BEND5: variants seen among roughly 807,000 people sequenced by gnomAD.
The protein encoded by BEND5 is BEN domain containing 5.
In BEND5, 22 loss-of-function variants were observed where a neutral mutation model predicts 43.9. The observed-to-expected ratio is 0.50, with a 90% CI of 0.36 to 0.72. The LOEUF is 0.72. BEND5 is among the 30% of genes least tolerant of loss of function. The pLI is 0.00. For missense variants in BEND5, 428 were observed against 550.6 expected, an observed-to-expected ratio of 0.78 and a Z score of 2.23; for synonymous variants, 228 against 225.9, an observed-to-expected ratio of 1.01 and a Z score of -0.08.
chr1:48,758,844 T>G (rs889075951), intron 3 of BEND5, 56 bp downstream of exon 3: 2 of 1,402,436 alleles, frequency 1.4e-6, no homozygotes. Context: ...TGGAAGAGGA[T>G]CTGCATGAAG....
chr1:48,769,572 A>ACACAC (rs1553230018), intron 1 of BEND5, among the ~76,000 whole-genome samples: 3 of 62,680 alleles, frequency 4.8e-5, no homozygotes, highest in Non-Finnish European at 8.0e-5. Flanking sequence ...CACACACACA[A>ACACAC]GTTAAATTTT....
chr1:48,754,422 A>AACAAAGGATACCCTCGATAACTGTT (rs1553225135), intron 3 of BEND5, among the ~76,000 whole-genome samples: 1 of 152,226 alleles, frequency 6.6e-6, no homozygotes, highest in African/African-American at 2.4e-5. Flanking sequence ...CCAGTCCTGG[A>AACAAAGGATACCCTCGATAACTGTT]ACAAAGGATA....
chr1:48,770,839 T>C (rs556701181), intron 1 of BEND5, among the ~76,000 whole-genome samples: 67 of 152,286 alleles, frequency 4.4e-4, no homozygotes, highest in African/African-American at 1.6e-3. Flanking sequence ...CCTTAAAATA[T>C]CTCAGGTCCA....
intron 1 of BEND5, among the ~76,000 whole-genome samples, chr1:48,774,488 C>G (rs918899076): frequency 6.6e-6 from 1 of 152,120 alleles, no homozygotes; most frequent in African/African-American, 2.4e-5. Flanking sequence ...TTTCCCCTTT[C>G]TCCTCCCAAG....
At chr1:48,762,104 T>C (rs1304693567) in intron 1 of BEND5, among the ~76,000 whole-genome samples, 1 of 152,210 alleles carries the variant, frequency 6.6e-6, no homozygotes, top group African/African-American at 2.4e-5. Context: ...TCGCTCATGT[T>C]ACATGAGGAA....
intron 3 of BEND5, among the ~76,000 whole-genome samples, chr1:48,752,767 T>C (rs1040645258): frequency 6.6e-6 from 1 of 152,184 alleles, no homozygotes; most frequent in Non-Finnish European, 1.5e-5. Flanking sequence ...TCCTTTTTTT[T>C]TTGGACAGAG....
At chr1:48,758,124 C>T (rs1390633944) in intron 3 of BEND5, among the ~76,000 whole-genome samples, 1 of 152,166 alleles carries the variant, frequency 6.6e-6, no homozygotes, top group Non-Finnish European at 1.5e-5. Context: ...AATATAAGAA[C>T]CTATTAAGTT....
intron 3 of BEND5, among the ~76,000 whole-genome samples, chr1:48,744,027 C>T (rs975485489): frequency 2.6e-5 from 4 of 152,218 alleles, no homozygotes; most frequent in Non-Finnish European, 5.9e-5. Context: ...AAGAGCTCAA[C>T]TCATCCTGGT....
chr1:48,772,695 G>T (rs1255710772), intron 1 of BEND5, among the ~76,000 whole-genome samples: 14 of 152,158 alleles, frequency 9.2e-5, no homozygotes, highest in Non-Finnish European at 2.1e-4. Flanking sequence ...TGTTTTAGAA[G>T]ATTATTCTAA....
chr1:48,758,586 C>G (rs1644072369), intron 3 of BEND5, among the ~76,000 whole-genome samples: 2 of 152,194 alleles, frequency 1.3e-5, no homozygotes, highest in Non-Finnish European at 2.9e-5. Context: ...GAGAGGTTCC[C>G]TACGATCCCT....
rs779216654 is a variant in BEND5 at position 48,759,207 on chromosome 1, G to A, written c.438C>T (p.Asn146=). Residue 146 remains asparagine, a synonymous_variant, in exon 3 of 6, where the codon AAC becomes AAT. Coordinates refer to ENST00000371833, the MANE Select transcript of BEND5 (RefSeq NM_024603.4). The part of the protein sequence containing the change: ...EAVVARLEKQ[N]GLSLGHSTCP... ...ACGTGCTATGGCCCAGGCTCAGGCC[G>A]TTCTGCTTCTCTAGCCGAGCCACCA... The A allele has an allele frequency of 3.9e-5, 62 of 1,609,256 alleles. No homozygotes were observed. The East Asian group carries it at 5.2e-4, about 13-fold the overall frequency.
intron 4 of BEND5, among the ~76,000 whole-genome samples, chr1:48,741,245 C>T (rs2148592458): frequency 6.6e-6 from 1 of 152,316 alleles, no homozygotes; most frequent in East Asian, 1.9e-4. Flanking sequence ...GGAAGGTTCA[C>T]CAAACTTAGA....
chr1:48,767,221 C>CCTGTCTGAGACTCAG (rs1197241011), intron 1 of BEND5, among the ~76,000 whole-genome samples: 1 of 152,124 alleles, frequency 6.6e-6, no homozygotes, highest in African/African-American at 2.4e-5. Flanking sequence ...AGCTAGTTAA[C>CCTGTCTGAGACTCAG]CTGTCTGAGA....
intron 1 of BEND5, among the ~76,000 whole-genome samples, chr1:48,773,998 G>A (rs1314569014): frequency 1.3e-5 from 2 of 152,174 alleles, no homozygotes; most frequent in Non-Finnish European, 2.9e-5. Flanking sequence ...CACAGCAGTC[G>A]GCTTTGACAT....
At chr1:48,751,203 C>T (rs146439229) in intron 3 of BEND5, among the ~76,000 whole-genome samples, 29 of 152,244 alleles carry the variant, frequency 1.9e-4, no homozygotes, top group Middle Eastern at 3.4e-3. Flanking sequence ...TATCTTGAGG[C>T]CATGTTGCCT....
At chr1:48,750,917 C>A (rs1376535220) in intron 3 of BEND5, among the ~76,000 whole-genome samples, 1 of 152,126 alleles carries the variant, frequency 6.6e-6, no homozygotes, top group Non-Finnish European at 1.5e-5. Context: ...TCAGAGTACC[C>A]CCTGGAGCAG....
intron 3 of BEND5, among the ~76,000 whole-genome samples, chr1:48,747,471 T>C (rs532728246): frequency 2.8e-4 from 42 of 152,334 alleles, no homozygotes; most frequent in African/African-American, 9.4e-4. Flanking sequence ...CAAGAGGCAC[T>C]GGGGACCCAG....
intron 2 of BEND5, among the ~76,000 whole-genome samples, chr1:48,760,095 CAGT>C (rs1162561950): frequency 2.6e-4 from 40 of 152,146 alleles, no homozygotes; most frequent in Non-Finnish European, 2.9e-5. Context: ...ATCTAACTTC[CAGT>C]ACAAGGCTCC....
intron 3 of BEND5, among the ~76,000 whole-genome samples, chr1:48,750,896 AC>A (rs960119050): frequency 5.3e-5 from 8 of 151,992 alleles, no homozygotes; most frequent in Admixed American, 2.0e-4. Flanking sequence ...TCTAAGAATT[AC>A]CCCCCACACT....
Sources: gnomAD v4.1 joint callset for allele counts (sites outside exome capture counted in the v4.1 genomes callset) on GRCh38, gnomAD v4.1.1 for gene constraint, MANE v1.5 for transcripts, NCBI Gene and HGNC (gene_info 2026-07-23, HGNC 2026-07-21) for gene names.